The following MGAT4A variants were observed in gnomAD, a reference collection of about 807,000 sequenced individuals.
MGAT4A encodes alpha-1,3-mannosyl-glycoprotein 4-beta-N-acetylglucosaminyltransferase A.
A neutral mutation model predicts 74.1 loss-of-function variants in MGAT4A; 33 were observed. That is an observed-to-expected ratio of 0.45 (90% confidence interval 0.34 to 0.60). The LOEUF (loss-of-function observed/expected upper bound fraction) is 0.60, where lower values mean the gene tolerates loss of function less well. MGAT4A is among the 20% of genes least tolerant of loss of function. The probability of loss-of-function intolerance (pLI) is 0.02; values close to 1 mark genes in which losing one functional copy is unlikely to be tolerated. For synonymous variants in MGAT4A, 198 were observed against 210.4 expected (o/e 0.94, Z 0.51); for missense variants, 479 against 628.3 (o/e 0.76, Z 2.54).
intron 8 of MGAT4A, among the ~76,000 whole-genome samples, chr2:98,652,996 T>C (rs932850857): frequency 4.6e-5 from 7 of 151,328 alleles, no homozygotes; most frequent in African/African-American, 1.5e-4. Flanking sequence ...TAGAAGTCAA[T>C]AGCAGAAAAG....
chr2:98,728,595 A>G (rs568872778), intron 1 of MGAT4A, among the ~76,000 whole-genome samples: 75 of 152,156 alleles, frequency 4.9e-4, no homozygotes, highest in African/African-American at 1.6e-3. Flanking sequence ...TAAAAATACA[A>G]AAATTAGCCA....
intron 5 of MGAT4A, among the ~76,000 whole-genome samples, chr2:98,662,461 A>G (rs1701766274): frequency 6.6e-6 from 1 of 152,204 alleles, no homozygotes; most frequent in Non-Finnish European, 1.5e-5. Context: ...AACTCTAAAA[A>G]GTTAGGAATT....
In MGAT4A at chr2:98,624,719, ATAAGT is replaced by A. The variant is rs749619062; in HGVS notation, c.*842_*846del. 2.4e-4 allele frequency: 236 copies of A among 983,310 alleles called. No individual in the cohort carries two copies. The highest frequency in any genetic ancestry group is 1.0e-3 in the Middle Eastern group (2 of 1,934). 60.9% of individuals were successfully genotyped at this position (983,310 alleles called of 1,614,324 possible). A position where few individuals can be genotyped will look rare whatever the true frequency, so the allele number is the denominator to read the frequency against. ...CATTTTACATATCAGAGGAAATATA[ATAAGT>A]TAAGTCTACAATAATCTGGGTTGAA... On this transcript the variant is annotated 3_prime_UTR_variant, in exon 16 of 16. Transcript: ENST00000393487.
At chr2:98,685,476 G>A (rs1702116263) in intron 2 of MGAT4A, among the ~76,000 whole-genome samples, 1 of 152,074 alleles carries the variant, frequency 6.6e-6, no homozygotes, top group Non-Finnish European at 1.5e-5. Flanking sequence ...TTAGAAAGAA[G>A]ATGGCCTAGA....
chr2:98,671,166 G>A (rs1036769340), intron 4 of MGAT4A, among the ~76,000 whole-genome samples: 13 of 152,086 alleles, frequency 8.5e-5, no homozygotes, highest in African/African-American at 3.1e-4. Context: ...ATTCTCATAT[G>A]TTCCAAACAA....
intron 8 of MGAT4A, among the ~76,000 whole-genome samples, chr2:98,645,745 C>A (rs1456807102): frequency 1.3e-5 from 2 of 152,104 alleles, no homozygotes; most frequent in Non-Finnish European, 2.9e-5. Flanking sequence ...GTCAACTAAG[C>A]CACTCCTTTC....
chr2:98,715,926 G>C (rs1478903594), intron 2 of MGAT4A, among the ~76,000 whole-genome samples: 1 of 152,166 alleles, frequency 6.6e-6, no homozygotes, highest in Non-Finnish European at 1.5e-5. Context: ...CTTTACAATG[G>C]AAAAGCCTGT....
rs113198868 is a variant in MGAT4A, at chr2:98,642,839, G to T, written c.1020+1084C>A. 2.7e-3 allele frequency among the ~76,000 whole-genome samples: 411 copies of T among 152,184 alleles called. 2 individuals carry two copies. The highest frequency in any genetic ancestry group is 4.6e-3 in the Admixed American group (70 of 15,282). On this transcript the variant is annotated intron_variant, in intron 10 of 15. Transcript: ENST00000393487. The stretch of plus-strand genomic sequence containing the variant: ...TTCCTCTAACTAAGAATGTGTTGGG[G>T]TTTTTTAAAATTTTTGTGGTTTTTT...
chr2:98,639,947 C>G lies in MGAT4A; in HGVS notation c.1183G>C (p.Glu395Gln). 6.2e-7 allele frequency: 1 copy of G among 1,614,040 alleles called. No homozygotes were observed. Among genetic ancestry groups the G allele is most frequent in the Non-Finnish European group, 8.5e-7 (1 of 1,179,978 alleles). Residue 395 changes from glutamate to glutamine, a missense_variant, in exon 12 of 16, where the codon GAG becomes CAG. Transcript: ENST00000393487. ...TAGACCTTCAAGGAAGTAGATACCT[C>G]CGCAGGTGGGTTTACATGGATTTTA... ...LLKIHVNPPA[E>Q]VSTSLKVYQG...
intron 4 of MGAT4A, among the ~76,000 whole-genome samples, chr2:98,674,464 TCAAA>T (rs779273695): frequency 1.3e-5 from 2 of 152,160 alleles, no homozygotes; most frequent in Non-Finnish European, 2.9e-5. Flanking sequence ...TTACGTTGCT[TCAAA>T]CAAACAAACA....
chr2:98,717,136 T>G (rs926916648), intron 2 of MGAT4A, among the ~76,000 whole-genome samples: 1 of 151,956 alleles, frequency 6.6e-6, no homozygotes, highest in African/African-American at 2.4e-5. Flanking sequence ...TCCCAGCACT[T>G]TGGGAAGCCG....
In MGAT4A at chr2:98,623,720, TG is replaced by T. The variant is rs1186499333; in HGVS notation, c.*1845del. 1.0e-6 allele frequency: 1 copy of T among 985,276 alleles called. No individual in the cohort carries two copies. The highest frequency in any genetic ancestry group is 1.2e-6 in the Non-Finnish European group (1 of 829,898). The allele number at this position is 985,276 out of a possible 1,614,324, so 61.0% of individuals were successfully genotyped here. On this transcript the variant is annotated 3_prime_UTR_variant, in exon 16 of 16. Transcript: ENST00000393487. ...AAAGTAACTAAAAATTATAACAACATGGAGTGATGGAAATAATTGTACTGTA... is the reference window on the plus strand; with the variant it reads ...AAAGTAACTAAAAATTATAACAACATGAGTGATGGAAATAATTGTACTGTA...
chr2:98,726,336 A>G lies in MGAT4A; in HGVS notation c.-4T>C, dbSNP rs1374500693. Reference sequence around the variant, plus strand: ...CAGTTCCATTGCGGAGCCTCATCTCATTTCACCATCACACTGGTCCATATG... The same window carrying G: ...CAGTTCCATTGCGGAGCCTCATCTCGTTTCACCATCACACTGGTCCATATG... On this transcript the variant is annotated 5_prime_UTR_variant, in exon 2 of 16. It removes an upstream start codon present in the reference 5' UTR. Coordinates refer to ENST00000393487, the MANE Select transcript of MGAT4A (RefSeq NM_012214.3). 6.2e-7 allele frequency: 1 copy of G among 1,611,844 alleles called. No homozygotes were observed. The highest frequency in any genetic ancestry group is 1.3e-5 in the African/African-American group (1 of 74,898).
chr2:98,629,014 T>C (rs1236978301), intron 14 of MGAT4A, among the ~76,000 whole-genome samples: 1 of 152,188 alleles, frequency 6.6e-6, no homozygotes, highest in Admixed American at 6.5e-5. Flanking sequence ...GACACAGAAA[T>C]CTGAATTTTA....
chr2:98,710,946 C>G (rs78506505), intron 2 of MGAT4A, among the ~76,000 whole-genome samples: 1,980 of 151,410 alleles, frequency 0.013, 21 homozygotes, highest in Middle Eastern at 0.027. Context: ...AGAAGAACGG[C>G]GGGTGGGGAG....
intron 3 of MGAT4A, among the ~76,000 whole-genome samples, chr2:98,675,911 T>C (rs1259729430): frequency 6.6e-6 from 1 of 152,192 alleles, no homozygotes; most frequent in Non-Finnish European, 1.5e-5. Flanking sequence ...GAATTTTTTT[T>C]CTGAAAACTT....
At position 98,705,948 on chromosome 2, in the gene MGAT4A, CAAAAAAAAAAAAA is replaced by C. The variant is rs35710005; in HGVS notation, c.94+20278_94+20290del. ...TGGGCGACAGAGCGAGACTCCGTCT[CAAAAAAAAAAAAA>C]AAAAAAAAAAGAAAATCAACTAACA... On this transcript the variant is annotated intron_variant, in intron 2 of 15. Coordinates refer to ENST00000393487, the MANE Select transcript of MGAT4A (RefSeq NM_012214.3). Among the ~76,000 whole-genome samples the C allele has an allele frequency of 7.8e-3, 369 of 47,514 alleles. 3 individuals are homozygous for C. The highest frequency in any genetic ancestry group is 0.03 in the African/African-American group (351 of 11,588). 31.2% of individuals were successfully genotyped at this position (47,514 alleles called of 152,430 possible).
chr2:98,668,517 G>GGC (rs1404250119), intron 4 of MGAT4A, among the ~76,000 whole-genome samples: 7 of 152,218 alleles, frequency 4.6e-5, no homozygotes, highest in African/African-American at 1.7e-4. Flanking sequence ...TTGCTGCAGG[G>GGC]GCGGTGCTCT....
intron 4 of MGAT4A, among the ~76,000 whole-genome samples, chr2:98,669,563 A>G (rs1701884611): frequency 6.6e-6 from 1 of 152,242 alleles, no homozygotes; most frequent in African/African-American, 2.4e-5. Context: ...ATCCCTAATT[A>G]TACTATTTTA....
Sources: gnomAD v4.1 joint callset for allele counts (sites outside exome capture counted in the v4.1 genomes callset) on GRCh38, gnomAD v4.1.1 for gene constraint, MANE v1.5 for transcripts, NCBI Gene and HGNC (gene_info 2026-07-23, HGNC 2026-07-21) for gene names.